Variants in MAGI3 observed in about 807,000 individuals in gnomAD.
MAGI3 encodes membrane-associated guanylate kinase, WW and PDZ domain-containing protein 3.
MAGI3 carries 43 observed loss-of-function variants against 121.8 expected under a neutral mutation model. That is an observed-to-expected ratio of 0.35 (90% CI 0.28 to 0.46). The LOEUF is 0.46. Ranked by LOEUF, MAGI3 falls within the 20% of genes least tolerant of loss-of-function variation. The pLI, the probability that MAGI3 is intolerant of heterozygous loss-of-function variation, is 1.00. For synonymous variants in MAGI3, 553 were observed against 639.3 expected, an observed-to-expected ratio of 0.86 and a Z score of 2.04; for missense variants, 1,547 against 1,797.3, an observed-to-expected ratio of 0.86 and a Z score of 2.52.
At chr1:113,418,080 T>C (rs1652546049) in intron 1 of MAGI3, among the ~76,000 whole-genome samples, 1 of 152,160 alleles carries the variant, frequency 6.6e-6, no homozygotes, top group East Asian at 1.9e-4. Context: ...AGTCTTTTGT[T>C]TTTGTTTTTT....
rs1198237515 is a variant in MAGI3, at chr1:113,503,247, A to T, written c.317-46268A>T. Among the ~76,000 whole-genome samples, 26 of 69,588 alleles carry T rather than the reference A, an allele frequency of 3.7e-4. 1 individual carries two copies. Among genetic ancestry groups the T allele is most frequent in the Non-Finnish European group, 8.8e-5 (3 of 33,944 alleles). 45.7% of individuals were successfully genotyped at this position (69,588 alleles called of 152,430 possible). A position where few individuals can be genotyped will look rare whatever the true frequency, so the allele number is the denominator to read the frequency against. ...AAAAAAAAAAAAAAAAAAAAAAAAA[A>T]AAAAAAAAAAGATCACACCACTGCA... On this transcript the variant is annotated intron_variant, in intron 1 of 20. Transcript: ENST00000307546.
At chr1:113,634,777 T>G (rs1421354654) in intron 9 of MAGI3, among the ~76,000 whole-genome samples, 2 of 152,178 alleles carry the variant, frequency 1.3e-5, no homozygotes, top group Admixed American at 1.3e-4. Flanking sequence ...AAGAAAGTCA[T>G]TGGTAGCTTG....
chr1:113,437,844 T>TCTTCTTCTTCTTCTTCTTCTCCTTCTC (rs1653668378), intron 1 of MAGI3, among the ~76,000 whole-genome samples: 1 of 61,936 alleles, frequency 1.6e-5, no homozygotes, highest in East Asian at 6.5e-4. Context: ...TTCTTCTTCT[T>TCTTCTTCTTCTTCTTCTTCTCCTTCTC]CTTCTTCTTC....
At chr1:113,448,292 T>G (rs1351008046) in intron 1 of MAGI3, among the ~76,000 whole-genome samples, 1 of 152,254 alleles carries the variant, frequency 6.6e-6, no homozygotes, top group African/African-American at 2.4e-5. Flanking sequence ...AGGCTTAGGT[T>G]ATAATATTAG....
intron 1 of MAGI3, among the ~76,000 whole-genome samples, chr1:113,444,184 A>C (rs886117983): frequency 6.6e-6 from 1 of 152,234 alleles, no homozygotes; most frequent in Non-Finnish European, 1.5e-5. Context: ...GGTGTTCCAG[A>C]AACAGTTTTC....
intron 6 of MAGI3, 133 bp from the exon 7 acceptor site, chr1:113,614,468 T>A: frequency 1.4e-6 from 1 of 705,978 alleles, no homozygotes; most frequent in Non-Finnish European, 2.5e-6. Context: ...AAATTGTGTT[T>A]GTTCCTTGAA....
intron 1 of MAGI3, among the ~76,000 whole-genome samples, chr1:113,484,639 T>A (rs1257973983): frequency 4.3e-5 from 4 of 94,068 alleles, no homozygotes; most frequent in Non-Finnish European, 8.6e-5. Context: ...CCTTTCTCCC[T>A]TCCCTTCCCT....
At chr1:113,510,555 G>T (rs796963041) in intron 1 of MAGI3, among the ~76,000 whole-genome samples, 1 of 151,916 alleles carries the variant, frequency 6.6e-6, no homozygotes, top group African/African-American at 2.4e-5. Context: ...TTGAGATATC[G>T]CCCTTAAGTT....
rs1266573660 is a variant in MAGI3 at position 113,685,073 on chromosome 1, G to GGGT, written c.*1060_*1062dup. On this transcript the variant is annotated 3_prime_UTR_variant, in exon 21 of 21. Transcript: ENST00000307546. ...TGGGTGTTTAAAAACAACCTGTGTA[G>GGGT]GGTATGCCCAGCAAATGAGGACAAA... 1 of 152,354 alleles carries GGGT rather than the reference G, an allele frequency of 6.6e-6. No individual in the cohort carries two copies. The highest frequency in any genetic ancestry group is 1.5e-5 in the Non-Finnish European group (1 of 68,046). The allele number at this position is 152,354 out of a possible 1,614,324, so 9.4% of individuals were successfully genotyped here.
Position 113,438,971 on chromosome 1 carries a change from G to A in MAGI3, c.316+47622G>A, listed in dbSNP as rs118125196. Among the ~76,000 whole-genome samples the A allele has an allele frequency of 5.0e-4, 76 of 152,256 alleles. No homozygotes were observed. In the East Asian group the frequency reaches 0.014, roughly 28 times the overall value. ...AGAACTTTTACCTTTTCACTTAAGA[G>A]GAAGTGCTTTATGGCTTCCCTTTGG... On this transcript the variant is annotated intron_variant, in intron 1 of 20. Transcript: ENST00000307546.
chr1:113,678,706 C>G (rs1648028317), intron 19 of MAGI3, among the ~76,000 whole-genome samples: 1 of 152,046 alleles, frequency 6.6e-6, no homozygotes, highest in African/African-American at 2.4e-5. Flanking sequence ...TTAAGTCCTC[C>G]CAGAATCCCA....
At chr1:113,437,874 T>TCTTCTTCCTCTCCTTCTC (rs1653687377) in intron 1 of MAGI3, among the ~76,000 whole-genome samples, 1 of 29,398 alleles carries the variant, frequency 3.4e-5, no homozygotes, top group Non-Finnish European at 5.7e-5. Context: ...CTCTTCTTCT[T>TCTTCTTCCTCTCCTTCTC]CTTCTCCTTC....
At chr1:113,413,701 A>G (rs1652133829) in intron 1 of MAGI3, among the ~76,000 whole-genome samples, 1 of 152,096 alleles carries the variant, frequency 6.6e-6, no homozygotes, top group African/African-American at 2.4e-5. Flanking sequence ...GTGTATAGGA[A>G]TGCCTGTGAT....
chr1:113,605,983 T>C (rs1176433876), intron 6 of MAGI3, among the ~76,000 whole-genome samples: 4 of 150,360 alleles, frequency 2.7e-5, no homozygotes, highest in Non-Finnish European at 5.9e-5. Context: ...ATTCTTTTTT[T>C]GAGACAGAGT....
intron 7 of MAGI3, among the ~76,000 whole-genome samples, chr1:113,617,854 T>C (rs1216218855): frequency 6.6e-6 from 1 of 152,182 alleles, no homozygotes; most frequent in African/African-American, 2.4e-5. Flanking sequence ...CAGTGGACAG[T>C]GTATCCCCCG....
intron 10 of MAGI3, among the ~76,000 whole-genome samples, chr1:113,643,209 G>A (rs1652647346): frequency 6.6e-6 from 1 of 152,316 alleles, no homozygotes; most frequent in East Asian, 1.9e-4. Flanking sequence ...ACTTATAAGT[G>A]ACTAGTATCT....
At chr1:113,482,857 A>T (rs1443352234) in intron 1 of MAGI3, among the ~76,000 whole-genome samples, 2 of 151,456 alleles carry the variant, frequency 1.3e-5, no homozygotes, top group Non-Finnish European at 2.9e-5. Flanking sequence ...CCAGGTTGGA[A>T]TGCAGTGGCA....
chr1:113,619,677 T>A (rs974990551), intron 7 of MAGI3, 59 bp from the exon 8 acceptor site: 3 of 1,153,830 alleles, frequency 2.6e-6, no homozygotes, highest in Non-Finnish European at 3.9e-6. Context: ...GATAGACTAT[T>A]TAAGAATATG....
chr1:113,580,215 C>T (rs1007944855), intron 2 of MAGI3, among the ~76,000 whole-genome samples: 1 of 151,924 alleles, frequency 6.6e-6, no homozygotes, highest in African/African-American at 2.4e-5. Flanking sequence ...AAATAAAGTT[C>T]ATTAAAATAA....
Sources: allele counts gnomAD v4.1 joint callset (sites outside exome capture counted in the v4.1 genomes callset), GRCh38; gene constraint gnomAD v4.1.1; transcripts MANE v1.5; gene names NCBI Gene and HGNC (gene_info 2026-07-23, HGNC 2026-07-21).